The following SFT2D1 variants were observed in gnomAD, a reference collection of about 807,000 sequenced individuals.
SFT2D1 encodes the protein vesicle transport protein SFT2A.
Under a neutral mutation model 28.1 loss-of-function variants are expected in SFT2D1, and 24 were observed. That is an observed-to-expected ratio of 0.85 (90% confidence interval 0.62 to 1.20). SFT2D1 has a LOEUF of 1.20. SFT2D1 is among the 50% of genes most tolerant of loss of function. The pLI, the probability that SFT2D1 is intolerant of heterozygous loss-of-function variation, is 0.00. For synonymous variants in SFT2D1, 82 were observed against 73.7 expected, an observed-to-expected ratio of 1.11 and a Z score of -0.58; for missense variants, 181 against 190.9, an observed-to-expected ratio of 0.95 and a Z score of 0.31.
intron 1 of SFT2D1, among the ~76,000 whole-genome samples, chr6:166,335,941 G>A (rs751804741): frequency 3.3e-5 from 5 of 152,222 alleles, no homozygotes; most frequent in African/African-American, 7.2e-5. Context: ...CTGTATTTGT[G>A]ACTAATTTTA....
At chr6:166,341,575 C>T (rs937980221) in intron 1 of SFT2D1, among the ~76,000 whole-genome samples, 9 of 152,116 alleles carry the variant, frequency 5.9e-5, no homozygotes, top group African/African-American at 1.7e-4. Flanking sequence ...CAGAACTCTA[C>T]CCACACCAAG....
intron 1 of SFT2D1, 43 bp from the exon 2 acceptor site, chr6:166,330,290 C>T (rs1017079423): frequency 2.3e-6 from 3 of 1,284,694 alleles, no homozygotes; most frequent in Admixed American, 4.6e-5. Context: ...TCTTAATTCA[C>T]TACCAATCTG....
At position 166,324,584 on chromosome 6, in the gene SFT2D1, C is replaced by G; in HGVS notation, c.363G>C (p.Lys121Asn). 1 of 1,612,610 alleles carries G rather than the reference C, an allele frequency of 6.2e-7. No individual in the cohort carries two copies. Among genetic ancestry groups the G allele is most frequent in the Admixed American group, 1.7e-5 (1 of 59,266 alleles). ...TLCAALWWHK[K>N]GLAVLFCILQ... ...ATATGCAGAATAACACAGCCAGTCC[C>G]TTCTTATGCCACTAACAACAGCAAA... Residue 121 changes from lysine to asparagine, a missense_variant, in exon 6 of 8, where the codon AAG becomes AAC. Physicochemically the swap from Lys to Asn is moderately conservative, Grantham distance 94 (BLOSUM62 0). Coordinates refer to ENST00000361731, the MANE Select transcript of SFT2D1 (RefSeq NM_145169.3).
intron 6 of SFT2D1, 99 bp downstream of exon 6, chr6:166,324,438 A>C (rs941046920): frequency 1.6e-6 from 2 of 1,217,120 alleles, no homozygotes; most frequent in Non-Finnish European, 2.3e-6. Context: ...TCTGGCTCCA[A>C]AACACCAGAC....
At chr6:166,334,811 C>G (rs185290786) in intron 1 of SFT2D1, 18 of 423,520 alleles carry the variant, frequency 4.3e-5, no homozygotes, top group Non-Finnish European at 7.8e-5. Flanking sequence ...GAATGCAAAG[C>G]CACACAAGGT....
intron 6 of SFT2D1, chr6:166,323,184 T>A (rs549365812): frequency 6.9e-6 from 2 of 288,916 alleles, no homozygotes; most frequent in Non-Finnish European, 6.3e-6. Flanking sequence ...TATAATAAAA[T>A]AGAAACTGTA....
intron 1 of SFT2D1, among the ~76,000 whole-genome samples, chr6:166,332,054 C>T (rs1470282361): frequency 2.0e-5 from 3 of 152,138 alleles, no homozygotes; most frequent in East Asian, 1.9e-4. Flanking sequence ...ATCTTTAAAA[C>T]GAAACAGCAG....
intron 1 of SFT2D1, among the ~76,000 whole-genome samples, chr6:166,338,065 G>A (rs745940691): frequency 1.3e-4 from 19 of 151,952 alleles, no homozygotes; most frequent in Non-Finnish European, 2.6e-4. Flanking sequence ...TCTGACTTCC[G>A]GCCTCAAAAC....
At position 166,320,428 on chromosome 6, in the gene SFT2D1, G is replaced by A. The variant is rs947291839; in HGVS notation, c.441-172C>T. Among the ~76,000 whole-genome samples the A allele has an allele frequency of 2.6e-5, 4 of 152,132 alleles. No individual in the cohort carries two copies. The South Asian group carries it at 6.2e-4, about 24-fold the overall frequency. ...CATTTAAGATTAAGAGCTAAGATTT[G>A]AAAACATTTTGCTGATTTTTGACAT... On this transcript the variant is annotated intron_variant, in intron 7 of 7. Coordinates refer to ENST00000361731, the MANE Select transcript of SFT2D1 (RefSeq NM_145169.3).
rs114469365 is a variant in SFT2D1 at position 166,319,988 on chromosome 6, A to G, written c.*229T>C. The stretch of plus-strand genomic sequence containing the variant: ...AATTTACAACTGGCAGTGATTAAAA[A>G]TCTTATCTTTGGAAAAGTATATTAA... On this transcript the variant is annotated 3_prime_UTR_variant, in exon 8 of 8. Transcript: ENST00000361731. 2.3e-6 allele frequency: 1 copy of G among 431,510 alleles called. No individual in the cohort carries two copies. The highest frequency in any genetic ancestry group is 2.1e-5 in the African/African-American group (1 of 48,456). The allele number at this position is 431,510 out of a possible 1,614,324, so 26.7% of individuals were successfully genotyped here.
chr6:166,335,509 T>C (rs1379757218), intron 1 of SFT2D1: 1 of 491,316 alleles, frequency 2.0e-6, no homozygotes. Flanking sequence ...GTGGCTACGG[T>C]GGTTCCAGTA....
At chr6:166,335,276 G>C (rs1309311431) in intron 1 of SFT2D1, 1 of 582,698 alleles carries the variant, frequency 1.7e-6, no homozygotes, top group Admixed American at 1.9e-5. Context: ...TGTCCACAGC[G>C]GTGGCGGTGG....
chr6:166,326,259 G>A, intron 4 of SFT2D1, 92 bp from the exon 5 acceptor site: 2 of 1,049,796 alleles, frequency 1.9e-6, no homozygotes, highest in Non-Finnish European at 1.4e-6. Context: ...TTTACATAGG[G>A]AATATACTAT....
intron 3 of SFT2D1, among the ~76,000 whole-genome samples, chr6:166,328,774 G>A (rs1464157990): frequency 1.3e-5 from 2 of 152,170 alleles, no homozygotes; most frequent in East Asian, 1.9e-4. Context: ...CTCCAACTGT[G>A]AGAAAAATTT....
intron 1 of SFT2D1, among the ~76,000 whole-genome samples, chr6:166,332,224 A>G (rs1778565273): frequency 6.6e-6 from 1 of 152,228 alleles, no homozygotes; most frequent in Non-Finnish European, 1.5e-5. Flanking sequence ...AAAACCTGGC[A>G]GTGCATCTTC....
intron 1 of SFT2D1, among the ~76,000 whole-genome samples, chr6:166,339,798 C>A (rs1256961838): frequency 6.6e-6 from 1 of 152,174 alleles, no homozygotes; most frequent in African/African-American, 2.4e-5. Context: ...TTCTGCTCAT[C>A]CTCTAAACTT....
At chr6:166,340,186 C>A (rs1303215067) in intron 1 of SFT2D1, among the ~76,000 whole-genome samples, 1 of 152,182 alleles carries the variant, frequency 6.6e-6, no homozygotes, top group Non-Finnish European at 1.5e-5. Flanking sequence ...GCTCTTTAAA[C>A]CACTTCTATC....
At chr6:166,341,769 T>C (rs1778786334) in intron 1 of SFT2D1, among the ~76,000 whole-genome samples, 1 of 151,882 alleles carries the variant, frequency 6.6e-6, no homozygotes. Flanking sequence ...ACCTTCTTGC[T>C]GGAGGAAGTA....
At chr6:166,334,622 C>G (rs910257097) in intron 1 of SFT2D1, 5 of 190,726 alleles carry the variant, frequency 2.6e-5, no homozygotes, top group African/African-American at 1.2e-4. Context: ...CACTGGAGGG[C>G]CGACTGTGGA....
Sources: gnomAD v4.1 joint callset for allele counts (sites outside exome capture counted in the v4.1 genomes callset) on GRCh38, gnomAD v4.1.1 for gene constraint, MANE v1.5 for transcripts, NCBI Gene and HGNC (gene_info 2026-07-23, HGNC 2026-07-21) for gene names.